SEC63: variants seen among roughly 807,000 people sequenced by gnomAD.
The protein encoded by SEC63 is translocation protein SEC63 homolog.
In SEC63, 56 loss-of-function variants were observed where a neutral mutation model predicts 116.2. That is an observed-to-expected ratio of 0.48 (90% CI 0.39 to 0.60). SEC63 has a LOEUF of 0.60. Ranked by LOEUF, SEC63 falls within the 20% of genes least tolerant of loss-of-function variation. The pLI, the probability that SEC63 is intolerant of heterozygous loss-of-function variation, is 0.00. For synonymous variants in SEC63, 273 were observed against 294.6 expected (o/e 0.93, Z 0.75); for missense variants, 668 against 900.0 (o/e 0.74, Z 3.30).
At position 107,908,971 on chromosome 6, in the gene SEC63, A is replaced by G. The variant is rs1382917548; in HGVS notation, c.689T>C (p.Ile230Thr). ...GGTTTTATAAACAAAGTATGTATAA[A>G]TCTGTGTTGTGCGTATTAGAATCTG... Reference protein sequence around the residue: ...GDQILIRTTQIYTYFVYKTRN... With the variant: ...GDQILIRTTQTYTYFVYKTRN... Residue 230 changes from isoleucine to threonine, a missense_variant, in exon 8 of 21, where the codon ATT becomes ACT. Coordinates refer to ENST00000369002, the MANE Select transcript of SEC63 (RefSeq NM_007214.5). The G allele has an allele frequency of 1.2e-6, 2 of 1,613,196 alleles. No homozygotes were observed. Among genetic ancestry groups the G allele is most frequent in the African/African-American group, 2.7e-5 (2 of 74,874 alleles).
At chr6:107,903,035 C>A (rs1667922510) in intron 11 of SEC63, 37 bp from the exon 12 acceptor site, 1 of 1,609,966 alleles carries the variant, frequency 6.2e-7, no homozygotes, top group Non-Finnish European at 8.5e-7. Flanking sequence ...CAGGGCTGGA[C>A]TTTTTACATG....
At chr6:107,885,516 G>A (rs1387587435) in intron 16 of SEC63, among the ~76,000 whole-genome samples, 4 of 152,192 alleles carry the variant, frequency 2.6e-5, no homozygotes, top group Non-Finnish European at 5.9e-5. Context: ...CCAAATTAAT[G>A]AAGATAAACC....
chr6:107,880,826 A>T (rs1786397923), intron 18 of SEC63: 1 of 221,596 alleles, frequency 4.5e-6, no homozygotes, highest in Non-Finnish European at 9.1e-6. Context: ...AAGGCAAAAT[A>T]TGCATTTGTC....
chr6:107,892,358 G>T (rs1786703096), intron 16 of SEC63, among the ~76,000 whole-genome samples: 2 of 152,162 alleles, frequency 1.3e-5, no homozygotes, highest in African/African-American at 4.8e-5. Flanking sequence ...TCAATGAATG[G>T]TGATGGTATA....
In SEC63 at chr6:107,906,466, G is replaced by C. The variant is rs1438834234; in HGVS notation, c.943C>G (p.Pro315Ala). The change falls in exon 10 of 21, where the codon CCT becomes GCT. Residue 315 changes from proline to alanine, a missense_variant. By Grantham distance (27) the Pro-to-Ala change is conservative. Coordinates refer to ENST00000369002, the MANE Select transcript of SEC63 (RefSeq NM_007214.5). Reference sequence around the variant, plus strand: ...CAAATACCTTCTTCAAGGGTCTCAGGAATTTTCATTCTAGCAAGATGAGAC... The same window carrying C: ...CAAATACCTTCTTCAAGGGTCTCAGCAATTTTCATTCTAGCAAGATGAGAC... ...LLSHLARMKI[P>A]ETLEEDQQFM... 6.2e-7 allele frequency: 1 copy of C among 1,614,090 alleles called. No homozygotes were observed. The highest frequency in any genetic ancestry group is 8.5e-7 in the Non-Finnish European group (1 of 1,180,008).
rs551028556 is a variant in SEC63, at chr6:107,925,149, C to G, written c.225-217G>C. On this transcript the variant is annotated intron_variant, in intron 2 of 20. Transcript: ENST00000369002. Reference sequence around the variant, plus strand: ...ATAATCTAGTACAGTGTCTACTATTCATAGATTTTCTCAGTTACTATTTGC... The same window carrying G: ...ATAATCTAGTACAGTGTCTACTATTGATAGATTTTCTCAGTTACTATTTGC... Among the ~76,000 whole-genome samples, 176 of 152,220 alleles carry G rather than the reference C, an allele frequency of 1.2e-3. 2 individuals carry two copies. The highest frequency in any genetic ancestry group is 4.1e-3 in the African/African-American group (170 of 41,530).
At chr6:107,898,194 C>T (rs1786910261) in intron 13 of SEC63, among the ~76,000 whole-genome samples, 2 of 151,122 alleles carry the variant, frequency 1.3e-5, no homozygotes, top group African/African-American at 2.4e-5. Flanking sequence ...ACCTGGGAGC[C>T]GGAGGTTGCA....
Position 107,948,774 on chromosome 6 carries a change from T to C in SEC63, c.124+9112A>G, listed in dbSNP as rs150332535. ...CCACCAAAACGAACAACTGCTTTTC[T>C]TCTCCTCCTGTAGGACCAAGAAGGT... On this transcript the variant is annotated intron_variant, in intron 1 of 20. Coordinates refer to ENST00000369002, the MANE Select transcript of SEC63 (RefSeq NM_007214.5). Among the ~76,000 whole-genome samples the C allele has an allele frequency of 1.8e-3, 267 of 152,308 alleles. 1 individual carries two copies. The highest frequency in any genetic ancestry group is 6.2e-3 in the African/African-American group (259 of 41,554).
At chr6:107,896,706 C>T (rs746291848) in intron 14 of SEC63, among the ~76,000 whole-genome samples, 5 of 152,054 alleles carry the variant, frequency 3.3e-5, no homozygotes, top group Non-Finnish European at 5.9e-5. Context: ...GGGCTGAGTG[C>T]GGTAGCTCAC....
At chr6:107,957,729 C>T (rs1016888107) in intron 1 of SEC63, 157 bp downstream of exon 1, 20 of 660,890 alleles carry the variant, frequency 3.0e-5, no homozygotes, top group African/African-American at 7.7e-5. Context: ...GCTGCTGACC[C>T]GGGCCCCGCC....
chr6:107,882,948 A>G (rs907836889), intron 17 of SEC63, 40 bp downstream of exon 17: 11 of 1,332,408 alleles, frequency 8.3e-6, no homozygotes, highest in African/African-American at 1.4e-5. Flanking sequence ...TCAGAGATAT[A>G]ATTCCAATTA....
chr6:107,898,136 C>T (rs1403469812), intron 13 of SEC63, among the ~76,000 whole-genome samples: 3 of 151,840 alleles, frequency 2.0e-5, no homozygotes, highest in Non-Finnish European at 2.9e-5. Flanking sequence ...TGATGGTGCC[C>T]GCCTGTAGTC....
At chr6:107,924,121 A>G (rs1353005979) in intron 3 of SEC63, among the ~76,000 whole-genome samples, 1 of 151,524 alleles carries the variant, frequency 6.6e-6, no homozygotes, top group Non-Finnish European at 1.5e-5. Context: ...AAAATTAGCC[A>G]GGCGTGATGG....
At position 107,867,772 on chromosome 6, in the gene SEC63, T is replaced by C. The variant is rs1786029455; in HGVS notation, c.*3932A>G. 1 of 151,476 alleles carries C rather than the reference T, an allele frequency of 6.6e-6. No individual in the cohort carries two copies. The highest frequency in any genetic ancestry group is 2.4e-5 in the African/African-American group (1 of 41,208). 9.4% of individuals were successfully genotyped at this position (151,476 alleles called of 1,614,324 possible). On this transcript the variant is annotated 3_prime_UTR_variant, in exon 21 of 21. Transcript: ENST00000369002. Reference sequence around the variant, plus strand: ...AAAAAAAAATTAATGCACCAATAAATGTTTATTTATAAATAATAGAAGTGT... The same window carrying C: ...AAAAAAAAATTAATGCACCAATAAACGTTTATTTATAAATAATAGAAGTGT...
At chr6:107,928,003 G>A (rs1405749786) in intron 2 of SEC63, among the ~76,000 whole-genome samples, 1 of 152,090 alleles carries the variant, frequency 6.6e-6, no homozygotes, top group African/African-American at 2.4e-5. Flanking sequence ...CGCAGATATG[G>A]GGGGGAGGGG....
rs55814816 is a variant in SEC63, at chr6:107,893,107, TACACACACACACACACAC to T, written c.1674+357_1674+374del. Reference sequence around the variant, plus strand: ...GGTATATTCATACAATGAAATACTATACACACACACACACACACACACACACACACACACACACACACA... The same window carrying T: ...GGTATATTCATACAATGAAATACTATACACACACACACACACACACACACA... On this transcript the variant is annotated intron_variant, in intron 16 of 20. Coordinates refer to ENST00000369002, the MANE Select transcript of SEC63 (RefSeq NM_007214.5). 5.4e-3 allele frequency among the ~76,000 whole-genome samples: 781 copies of T among 145,900 alleles called. 5 individuals are homozygous for T. The highest frequency in any genetic ancestry group is 0.017 in the African/African-American group (669 of 39,650).
chr6:107,953,518 A>G (rs1770623359), intron 1 of SEC63, among the ~76,000 whole-genome samples: 1 of 138,276 alleles, frequency 7.2e-6, no homozygotes, highest in Non-Finnish European at 1.6e-5. Context: ...TCCGGGAGGG[A>G]GGTGGGGGGT....
chr6:107,920,526 A>T (rs1322395037), intron 4 of SEC63, among the ~76,000 whole-genome samples: 6 of 151,472 alleles, frequency 4.0e-5, no homozygotes, highest in Non-Finnish European at 8.9e-5. Flanking sequence ...AAACAAAAAA[A>T]TTTGTGACTC....
At position 107,883,035 on chromosome 6, in the gene SEC63, C is replaced by T. The variant is rs765882503; in HGVS notation, c.1786G>A (p.Asp596Asn). ...TTTTCATCTTGCTCTCTATCAGAGT[C>T]TCTGTCACTACCATCATCTTTCTCA... ...QSEKDDGSDR[D>N]SDREQDEKQN... The change falls in exon 17 of 21, where the codon GAC becomes AAC. Residue 596 changes from aspartate to asparagine, a missense_variant. By Grantham distance (23) the Asp-to-Asn change is conservative. Coordinates refer to ENST00000369002, the MANE Select transcript of SEC63 (RefSeq NM_007214.5). 28 of 1,612,940 alleles carry T rather than the reference C, an allele frequency of 1.7e-5. No homozygotes were observed. The highest frequency in any genetic ancestry group is 3.3e-4 in the Middle Eastern group (2 of 6,022).
Sources: gnomAD v4.1 joint callset for allele counts (sites outside exome capture counted in the v4.1 genomes callset) on GRCh38, gnomAD v4.1.1 for gene constraint, MANE v1.5 for transcripts, NCBI Gene and HGNC (gene_info 2026-07-23, HGNC 2026-07-21) for gene names.